Variants in PPARGC1B observed in about 807,000 individuals in gnomAD.
The protein encoded by PPARGC1B is peroxisome proliferator-activated receptor gamma coactivator 1-beta.
PPARGC1B carries 34 observed loss-of-function variants against 101.6 expected under a neutral mutation model. The ratio of observed to expected loss-of-function variants is 0.33; its 90% CI spans 0.25 to 0.45. PPARGC1B has a LOEUF of 0.45. Among genes scored for constraint, PPARGC1B ranks in the 20% least tolerant of loss-of-function variants. The pLI is 1.00. For missense variants in PPARGC1B, 1,234 were observed against 1,317.6 expected, an observed-to-expected ratio of 0.94 and a Z score of 0.98; for synonymous variants, 548 against 539.3, an observed-to-expected ratio of 1.02 and a Z score of -0.22.
intron 1 of PPARGC1B, among the ~76,000 whole-genome samples, chr5:149,812,944 G>T (rs1757920677): frequency 6.6e-6 from 1 of 152,244 alleles, no homozygotes; most frequent in African/African-American, 2.4e-5. Flanking sequence ...TAACAGAGGT[G>T]AGAGAAGGAA....
At chr5:149,782,391 A>G (rs1459065742) in intron 1 of PPARGC1B, among the ~76,000 whole-genome samples, 1 of 152,248 alleles carries the variant, frequency 6.6e-6, no homozygotes, top group East Asian at 1.9e-4. Flanking sequence ...GTTCCTAATG[A>G]ATGCCTTGTT....
chr5:149,787,078 A>T (rs1318778298), intron 1 of PPARGC1B, among the ~76,000 whole-genome samples: 7 of 152,220 alleles, frequency 4.6e-5, no homozygotes, highest in African/African-American at 1.7e-4. Context: ...TGAGAGCTCC[A>T]TTTCCACACA....
chr5:149,819,213 A>T (rs558549352), intron 1 of PPARGC1B, among the ~76,000 whole-genome samples: 1 of 152,358 alleles, frequency 6.6e-6, no homozygotes, highest in East Asian at 1.9e-4. Flanking sequence ...CAATGCTGTT[A>T]TCAGAGTCAC....
chr5:149,843,277 A>G lies in PPARGC1B; in HGVS notation c.2816+900A>G, dbSNP rs1042634101. ...TGCAAAAAGAACAGGTTTCATATGAATGCACAATTTAGATGTCAAAACTTT... is the reference window on the plus strand; with the variant it reads ...TGCAAAAAGAACAGGTTTCATATGAGTGCACAATTTAGATGTCAAAACTTT... On this transcript the variant is annotated intron_variant, in intron 10 of 11. Transcript: ENST00000309241. Among the ~76,000 whole-genome samples the G allele has an allele frequency of 8.9e-4, 135 of 152,212 alleles. 1 individual carries two copies. The highest frequency in any genetic ancestry group is 1.6e-3 in the Non-Finnish European group (111 of 68,044).
intron 1 of PPARGC1B, among the ~76,000 whole-genome samples, chr5:149,760,459 C>G (rs1739665269): frequency 6.6e-6 from 1 of 152,118 alleles, no homozygotes; most frequent in South Asian, 2.1e-4. Context: ...TGAGCTTTTT[C>G]CTTGTTTAAA....
chr5:149,811,264 A>G (rs1260184707), intron 1 of PPARGC1B, among the ~76,000 whole-genome samples: 1 of 151,954 alleles, frequency 6.6e-6, no homozygotes, highest in Non-Finnish European at 1.5e-5. Context: ...AAGAACTTTG[A>G]CTCTTGTCAA....
At position 149,851,559 on chromosome 5, in the gene PPARGC1B, AT is replaced by A; in HGVS notation, c.*4003del. On this transcript the variant is annotated 3_prime_UTR_variant, in exon 12 of 12. Coordinates refer to ENST00000309241, the MANE Select transcript of PPARGC1B (RefSeq NM_133263.4). Reference sequence around the variant, plus strand: ...GCATCAGATATGATTAAGGAAAGAAATTGGATGTACAACAGCAAAGAAAGTG... The same window carrying A: ...GCATCAGATATGATTAAGGAAAGAAATGGATGTACAACAGCAAAGAAAGTG... The A allele has an allele frequency of 6.6e-6, 1 of 152,368 alleles. No individual in the cohort carries two copies. Among genetic ancestry groups the A allele is most frequent in the Non-Finnish European group, 1.5e-5 (1 of 68,034 alleles). The allele number at this position is 152,368 out of a possible 1,614,324, so 9.4% of individuals were successfully genotyped here. A position where few individuals can be genotyped will look rare whatever the true frequency, so the allele number is the denominator to read the frequency against.
At chr5:149,755,048 T>TAC (rs202009905) in intron 1 of PPARGC1B, among the ~76,000 whole-genome samples, 1,361 of 73,090 alleles carry the variant, frequency 0.019, 12 homozygotes, top group South Asian at 0.044. Flanking sequence ...TACATATACA[T>TAC]ATACATATAT....
chr5:149,799,693 G>GTTGTTGTTGTTTTTTTTTTTTTT (rs752427488), intron 1 of PPARGC1B, among the ~76,000 whole-genome samples: 1 of 76,480 alleles, frequency 1.3e-5, no homozygotes, highest in African/African-American at 5.7e-5. Flanking sequence ...GCTTGTTGTT[G>GTTGTTGTTGTTTTTTTTTTTTTT]TTTTTTTTTT....
At chr5:149,797,624 A>C (rs754191646) in intron 1 of PPARGC1B, among the ~76,000 whole-genome samples, 2 of 152,206 alleles carry the variant, frequency 1.3e-5, no homozygotes, top group Non-Finnish European at 2.9e-5. Flanking sequence ...CATTTGGTGC[A>C]TTTAAAAATG....
At chr5:149,771,938 T>C in intron 1 of PPARGC1B, 2 of 1,198,954 alleles carry the variant, frequency 1.7e-6, no homozygotes, top group Non-Finnish European at 2.2e-6. Context: ...GCATTCTGCT[T>C]TACATTCTCA....
intron 1 of PPARGC1B, among the ~76,000 whole-genome samples, chr5:149,745,103 A>T (rs1755040557): frequency 6.6e-6 from 1 of 151,950 alleles, no homozygotes; most frequent in South Asian, 2.1e-4. Context: ...GTCTTGCTAT[A>T]TTGCCCGGGC....
intron 1 of PPARGC1B, among the ~76,000 whole-genome samples, chr5:149,745,524 A>G (rs532526323): frequency 6.6e-6 from 1 of 152,302 alleles, no homozygotes; most frequent in East Asian, 1.9e-4. Flanking sequence ...AGTGTCTGTC[A>G]TGAACTCTGC....
At chr5:149,757,003 A>G (rs1055336287) in intron 1 of PPARGC1B, among the ~76,000 whole-genome samples, 2 of 152,190 alleles carry the variant, frequency 1.3e-5, no homozygotes, top group Non-Finnish European at 2.9e-5. Flanking sequence ...GGTGAGCCCC[A>G]CCTCAGCATC....
chr5:149,781,096 T>C (rs1188975274), intron 1 of PPARGC1B, among the ~76,000 whole-genome samples: 1 of 151,922 alleles, frequency 6.6e-6, no homozygotes, highest in Non-Finnish European at 1.5e-5. Context: ...TCCCAGCTAC[T>C]TGGGAGGCTG....
intron 1 of PPARGC1B, among the ~76,000 whole-genome samples, chr5:149,770,390 C>T (rs192069546): frequency 1.6e-4 from 24 of 152,278 alleles, no homozygotes; most frequent in Non-Finnish European, 3.4e-4. Flanking sequence ...AGTATAAAGA[C>T]GTACAGGACA....
At chr5:149,829,492 C>T (rs1758656972) in intron 3 of PPARGC1B, among the ~76,000 whole-genome samples, 1 of 152,036 alleles carries the variant, frequency 6.6e-6, no homozygotes, top group Non-Finnish European at 1.5e-5. Flanking sequence ...GTTGGAGTGA[C>T]TTGGGGTGGC....
intron 2 of PPARGC1B, among the ~76,000 whole-genome samples, chr5:149,826,044 C>G (rs137985312): frequency 6.6e-6 from 1 of 152,338 alleles, no homozygotes; most frequent in African/African-American, 2.4e-5. Flanking sequence ...GATGAGAAAG[C>G]TAACTTGCCT....
intron 1 of PPARGC1B, among the ~76,000 whole-genome samples, chr5:149,786,234 AG>A (rs1313115058): frequency 3.3e-5 from 5 of 152,160 alleles, no homozygotes; most frequent in Non-Finnish European, 1.5e-5. Context: ...CTGGGATTAC[AG>A]GTGTGCATCA....
Sources: gnomAD v4.1 joint callset for allele counts (sites outside exome capture counted in the v4.1 genomes callset) on GRCh38, gnomAD v4.1.1 for gene constraint, MANE v1.5 for transcripts, NCBI Gene and HGNC (gene_info 2026-07-23, HGNC 2026-07-21) for gene names.